Variants in SEC22B observed in about 807,000 individuals in gnomAD.
SEC22B encodes vesicle-trafficking protein SEC22b.
Under a neutral mutation model 31.4 loss-of-function variants are expected in SEC22B, and 10 were observed. That is an observed-to-expected ratio of 0.32 (90% confidence interval 0.20 to 0.54). SEC22B has a LOEUF of 0.54. Ranked by LOEUF, SEC22B falls within the 20% of genes least tolerant of loss-of-function variation. The pLI, the probability that SEC22B is intolerant of heterozygous loss-of-function variation, is 0.94. For missense variants in SEC22B, 130 were observed against 263.4 expected (o/e 0.49, Z 3.50); for synonymous variants, 60 against 95.9 (o/e 0.63, Z 2.19).
chr1:120,164,772 A>G lies in SEC22B; in HGVS notation c.186-1402T>C, dbSNP rs1657780369. On this transcript the variant is annotated intron_variant, in intron 2 of 4. Transcript: ENST00000578049. ...GAAAGATTTGTTTCCTTTTGGATAT[A>G]AACCCATTAATGGGTTTGCTGGGTC... Among the ~76,000 whole-genome samples, 4 of 152,000 alleles carry G rather than the reference A, an allele frequency of 2.6e-5. No homozygotes were observed. In the South Asian group the frequency reaches 8.3e-4, roughly 31 times the overall value.
Position 120,153,146 on chromosome 1 carries a change from A to G in SEC22B, c.*3892T>C, listed in dbSNP as rs1176833046. On this transcript the variant is annotated 3_prime_UTR_variant, in exon 5 of 5. Transcript: ENST00000578049. ...GCTAGGTCAACGCTGCCTGACAGTA[A>G]TAAGAATAGGATGTGAGATTCAATA... 6.6e-6 allele frequency: 1 copy of G among 151,900 alleles called. No individual in the cohort carries two copies. Among genetic ancestry groups the G allele is most frequent in the African/African-American group, 2.4e-5 (1 of 41,228 alleles). 9.4% of individuals were successfully genotyped at this position (151,900 alleles called of 1,614,324 possible).
chr1:120,169,263 C>A (rs1462007769), intron 1 of SEC22B, among the ~76,000 whole-genome samples: 9 of 152,164 alleles, frequency 5.9e-5, no homozygotes, highest in Non-Finnish European at 1.3e-4. Flanking sequence ...ATTTCATTTG[C>A]AGTTATTGGC....
At position 120,152,178 on chromosome 1, in the gene SEC22B, G is replaced by A. The variant is rs2101123772; in HGVS notation, c.*4860C>T. The A allele has an allele frequency of 6.6e-6, 1 of 151,286 alleles. No homozygotes were observed. The highest frequency in any genetic ancestry group is 2.4e-5 in the African/African-American group (1 of 41,036). 9.4% of individuals were successfully genotyped at this position (151,286 alleles called of 1,614,324 possible). On this transcript the variant is annotated 3_prime_UTR_variant, in exon 5 of 5. Transcript: ENST00000578049. ...GACAAACTAGAGGAGCTTGTTTCTT[G>A]AAGAATTCTTGTCACACTTGACATT...
At chr1:120,159,851 T>A (rs1657685116) in intron 4 of SEC22B, among the ~76,000 whole-genome samples, 1 of 152,004 alleles carries the variant, frequency 6.6e-6, no homozygotes, top group African/African-American at 2.4e-5. Flanking sequence ...GACATTTGCA[T>A]CTTCCTTATT....
chr1:120,166,551 G>T (rs1419874848), intron 2 of SEC22B, among the ~76,000 whole-genome samples: 1 of 141,714 alleles, frequency 7.1e-6, no homozygotes, highest in East Asian at 2.0e-4. Flanking sequence ...AATATGGCAT[G>T]TTCTCATTCA....
chr1:120,159,246 G>A (rs1345870263), intron 4 of SEC22B: 1 of 150,648 alleles, frequency 6.6e-6, no homozygotes, highest in African/African-American at 2.4e-5. Flanking sequence ...GGAACAACAT[G>A]GCAAAACCCC....
intron 1 of SEC22B, 91 bp downstream of exon 1, chr1:120,176,216 A>C: frequency 7.9e-7 from 1 of 1,270,864 alleles, no homozygotes; most frequent in Non-Finnish European, 1.1e-6. Context: ...GGAAGTCACA[A>C]AGGTCTCCCG....
Position 120,160,736 on chromosome 1 carries a change from A to C in SEC22B, c.347-206T>G, listed in dbSNP as rs1367496233. The stretch of plus-strand genomic sequence containing the variant: ...AACCCCGTCTCTACTAAAAATATAA[A>C]AAGTTAGCCAGGCGTGGCGGCACAC... On this transcript the variant is annotated intron_variant, in intron 3 of 4. Transcript: ENST00000578049. 2.0e-5 allele frequency among the ~76,000 whole-genome samples: 3 copies of C among 151,990 alleles called. No homozygotes were observed. In the East Asian group the frequency reaches 5.8e-4, roughly 29 times the overall value.
At chr1:120,173,059 T>C (rs1210880721) in intron 1 of SEC22B, among the ~76,000 whole-genome samples, 2 of 148,362 alleles carry the variant, frequency 1.3e-5, no homozygotes, top group African/African-American at 5.0e-5. Flanking sequence ...TGGGTATCAA[T>C]ACCCACTGAA....
Position 120,151,862 on chromosome 1 carries a change from G to A in SEC22B, c.*5176C>T, listed in dbSNP as rs1280194810. 1 of 151,564 alleles carries A rather than the reference G, an allele frequency of 6.6e-6. No homozygotes were observed. Among genetic ancestry groups the A allele is most frequent in the Non-Finnish European group, 1.5e-5 (1 of 67,976 alleles). The allele number at this position is 151,564 out of a possible 1,614,324, so 9.4% of individuals were successfully genotyped here. A position where few individuals can be genotyped will look rare whatever the true frequency, so the allele number is the denominator to read the frequency against. On this transcript the variant is annotated 3_prime_UTR_variant, in exon 5 of 5. Coordinates refer to ENST00000578049, the MANE Select transcript of SEC22B (RefSeq NM_004892.6). ...TATATTAAAAAATTTTTGGTTAATA[G>A]TCTAGTTAGAGGTGAAAGAAGAAAG...
chr1:120,165,016 G>C, intron 2 of SEC22B, among the ~76,000 whole-genome samples: 1 of 151,822 alleles, frequency 6.6e-6, no homozygotes, highest in East Asian at 1.9e-4. Flanking sequence ...TTAGTGATGT[G>C]CATTTTTTCA....
In SEC22B at chr1:120,151,881, A is replaced by G. The variant is rs1657547890; in HGVS notation, c.*5157T>C. 2 of 151,990 alleles carry G rather than the reference A, an allele frequency of 1.3e-5. No homozygotes were observed. The highest frequency in any genetic ancestry group is 4.3e-4 in the South Asian group (2 of 4,658). The allele number at this position is 151,990 out of a possible 1,614,324, so 9.4% of individuals were successfully genotyped here. Reference sequence around the variant, plus strand: ...TTAATAGTCTAGTTAGAGGTGAAAGAAGAAAGCAGAGGAGTCTAATGCAAT... The same window carrying G: ...TTAATAGTCTAGTTAGAGGTGAAAGGAGAAAGCAGAGGAGTCTAATGCAAT... On this transcript the variant is annotated 3_prime_UTR_variant, in exon 5 of 5. Coordinates refer to ENST00000578049, the MANE Select transcript of SEC22B (RefSeq NM_004892.6).
intron 2 of SEC22B, among the ~76,000 whole-genome samples, chr1:120,167,841 T>G (rs1384906469): frequency 2.0e-5 from 3 of 152,176 alleles, no homozygotes; most frequent in Non-Finnish European, 4.4e-5. Context: ...TCCTAGGTCT[T>G]GGTTCTCTAA....
At position 120,156,341 on chromosome 1, in the gene SEC22B, G is replaced by T. The variant is rs1240916539; in HGVS notation, c.*697C>A. 2.0e-5 allele frequency: 3 copies of T among 150,940 alleles called. No homozygotes were observed. Among genetic ancestry groups the T allele is most frequent in the African/African-American group, 7.3e-5 (3 of 41,002 alleles). The allele number at this position is 150,940 out of a possible 1,614,324, so 9.4% of individuals were successfully genotyped here. ...AGTCTTTTGTTTAAGGAGTAAATGA[G>T]AGAAACATTTTAGCTTCTTAATCAA... On this transcript the variant is annotated 3_prime_UTR_variant, in exon 5 of 5. Coordinates refer to ENST00000578049, the MANE Select transcript of SEC22B (RefSeq NM_004892.6).
At chr1:120,165,720 T>C (rs1382556074) in intron 2 of SEC22B, among the ~76,000 whole-genome samples, 3 of 152,120 alleles carry the variant, frequency 2.0e-5, no homozygotes, top group Non-Finnish European at 2.9e-5. Flanking sequence ...CTTTCTTTTC[T>C]GTTGCCTGTG....
chr1:120,165,674 C>A (rs1178744783), intron 2 of SEC22B, among the ~76,000 whole-genome samples: 3 of 151,950 alleles, frequency 2.0e-5, no homozygotes. Context: ...CTTTGCTGTG[C>A]AGAAGCTTTT....
At chr1:120,165,536 T>C (rs1657791788) in intron 2 of SEC22B, among the ~76,000 whole-genome samples, 2 of 152,162 alleles carry the variant, frequency 1.3e-5, no homozygotes, top group Non-Finnish European at 2.9e-5. Context: ...AATATGTATA[T>C]ATAACAAGCA....
intron 4 of SEC22B, chr1:120,157,723 A>G (rs1657652331): frequency 6.8e-6 from 1 of 147,208 alleles, no homozygotes; most frequent in African/African-American, 2.7e-5. Flanking sequence ...ATAACCAGAA[A>G]ATTCAATTAA....
chr1:120,161,391 C>T (rs1225177300), intron 3 of SEC22B, among the ~76,000 whole-genome samples: 71,687 of 150,794 alleles, frequency 0.48, 20,356 homozygotes, highest in African/African-American at 0.8. Context: ...AATACCAATA[C>T]AAAACTGAAC....
Sources: gnomAD v4.1 joint callset for allele counts (sites outside exome capture counted in the v4.1 genomes callset) on GRCh38, gnomAD v4.1.1 for gene constraint, MANE v1.5 for transcripts, NCBI Gene and HGNC (gene_info 2026-07-23, HGNC 2026-07-21) for gene names.